Variants in TRAPPC9 observed in about 807,000 individuals in gnomAD.
TRAPPC9 encodes IKK2 binding protein.
In TRAPPC9, 83 loss-of-function variants were observed where a neutral mutation model predicts 124.0. That is an observed-to-expected ratio of 0.67 (90% confidence interval 0.56 to 0.80). TRAPPC9 has a LOEUF of 0.80. Among genes scored for constraint, TRAPPC9 ranks in the 30% least tolerant of loss-of-function variants. The pLI, the probability that TRAPPC9 is intolerant of heterozygous loss-of-function variation, is 0.00. For synonymous variants in TRAPPC9, 638 were observed against 617.5 expected, an observed-to-expected ratio of 1.03 and a Z score of -0.49; for missense variants, 1,302 against 1,508.3, an observed-to-expected ratio of 0.86 and a Z score of 2.27.
chr8:139,867,325 A>G (rs1828610921), intron 21 of TRAPPC9, among the ~76,000 whole-genome samples: 2 of 152,234 alleles, frequency 1.3e-5, no homozygotes, highest in African/African-American at 2.4e-5. Context: ...AATCAGGATA[A>G]TCTGGGTATC....
In TRAPPC9 at chr8:140,397,675, C is replaced by T. The variant is rs770502154; in HGVS notation, c.1079G>A (p.Arg360Gln). ...AAGAAATTCTGATGCTTCCATGCTC[C>T]GTTTCTGAATTGCAAGGACACGTAC... is the stretch of plus-strand genomic sequence containing the variant. ...KAVRVLAIQKRSMEASEFLQN... is the reference protein window; with the variant it reads ...KAVRVLAIQKQSMEASEFLQN... The change falls in exon 7 of 23, where the codon CGG (arginine) becomes CAG (glutamine). Residue 360 changes from arginine to glutamine, a missense_variant. Physicochemically the swap from Arg to Gln is conservative, Grantham distance 43. Transcript: ENST00000438773. The T allele has an allele frequency of 4.0e-5, 65 of 1,614,056 alleles. No individual in the cohort carries two copies. The highest frequency in any genetic ancestry group is 5.3e-5 in the African/African-American group (4 of 74,920).
intron 17 of TRAPPC9, among the ~76,000 whole-genome samples, chr8:140,186,521 G>C (rs1228068985): frequency 1.3e-5 from 2 of 152,036 alleles, no homozygotes; most frequent in Non-Finnish European, 2.9e-5. Context: ...GGGAGGCAGA[G>C]GTTGCCACTG....
At chr8:139,901,655 C>T (rs1831029483) in intron 20 of TRAPPC9, among the ~76,000 whole-genome samples, 1 of 152,218 alleles carries the variant, frequency 6.6e-6, no homozygotes. Flanking sequence ...GTGGTGAGAC[C>T]TAGGAATGCT....
intron 18 of TRAPPC9, chr8:140,008,353 T>TC (rs1354384489): frequency 2.7e-5 from 4 of 145,576 alleles, no homozygotes; most frequent in African/African-American, 1.0e-4. Context: ...TCTTCGGTCT[T>TC]CCTTGGGGAG....
chr8:140,041,398 C>G (rs749487128), intron 17 of TRAPPC9, among the ~76,000 whole-genome samples: 1 of 152,232 alleles, frequency 6.6e-6, no homozygotes, highest in Non-Finnish European at 1.5e-5. Context: ...TGCAAGTACT[C>G]CCTCCCAACA....
chr8:140,303,402 A>G (rs2066037399), intron 10 of TRAPPC9, among the ~76,000 whole-genome samples: 1 of 152,222 alleles, frequency 6.6e-6, no homozygotes, highest in African/African-American at 2.4e-5. Flanking sequence ...TGTGTTAATA[A>G]TCTACACGCT....
chr8:140,079,845 G>A lies in TRAPPC9; in HGVS notation c.2557-55766C>T, dbSNP rs56288725. Among the ~76,000 whole-genome samples, 630 of 152,208 alleles carry A rather than the reference G, an allele frequency of 4.1e-3. 3 individuals are homozygous for A. The highest frequency in any genetic ancestry group is 0.014 in the African/African-American group (593 of 41,516). ...CTCAGGAGGCTGAGCCAGGAGAATC[G>A]CTTGAACCTGGGAAGTGGAGGTTGC... On this transcript the variant is annotated intron_variant, in intron 17 of 22. Transcript: ENST00000438773.
chr8:140,049,910 C>T (rs1841874268), intron 17 of TRAPPC9, among the ~76,000 whole-genome samples: 2 of 152,234 alleles, frequency 1.3e-5, no homozygotes, highest in South Asian at 2.1e-4. Context: ...TCCACCACAA[C>T]TCAGTCCCCA....
At chr8:140,071,814 C>T (rs1414525882) in intron 17 of TRAPPC9, among the ~76,000 whole-genome samples, 1 of 152,150 alleles carries the variant, frequency 6.6e-6, no homozygotes, top group East Asian at 1.9e-4. Context: ...ACAAAAGTAG[C>T]TAAGAGATTT....
intron 17 of TRAPPC9, among the ~76,000 whole-genome samples, chr8:140,089,271 T>C (rs1444907551): frequency 6.6e-6 from 1 of 152,126 alleles, no homozygotes; most frequent in Non-Finnish European, 1.5e-5. Context: ...TCCTCTTCTA[T>C]CCGCACGAAT....
At chr8:140,373,424 A>G (rs2068340346) in intron 7 of TRAPPC9, among the ~76,000 whole-genome samples, 1 of 152,180 alleles carries the variant, frequency 6.6e-6, no homozygotes, top group South Asian at 2.1e-4. Flanking sequence ...CTCGGTTCCA[A>G]TGCCACCCTC....
intron 17 of TRAPPC9, among the ~76,000 whole-genome samples, chr8:140,079,010 A>C (rs1843663128): frequency 6.6e-6 from 1 of 152,162 alleles, no homozygotes; most frequent in Non-Finnish European, 1.5e-5. Flanking sequence ...GGAGGGACCC[A>C]GTGGGAGGTA....
intron 18 of TRAPPC9, among the ~76,000 whole-genome samples, chr8:140,015,388 G>A (rs995467019): frequency 1.3e-5 from 2 of 152,182 alleles, no homozygotes; most frequent in Admixed American, 1.3e-4. Context: ...CTTCACCTGT[G>A]AGCAAAATGA....
At position 139,772,929 on chromosome 8, in the gene TRAPPC9, G is replaced by A. The variant is rs372630367; in HGVS notation, c.3056-40727C>T. On this transcript the variant is annotated intron_variant, in intron 21 of 22. Coordinates refer to ENST00000438773, the MANE Select transcript of TRAPPC9 (RefSeq NM_001160372.4). ...GGCCTCAGAAGAAACCAATGCTGCC[G>A]ACATTTGCAAAGTGAATGCAAAGTG... 9.2e-5 allele frequency among the ~76,000 whole-genome samples: 14 copies of A among 152,368 alleles called. No individual in the cohort carries two copies. In the South Asian group the frequency reaches 1.2e-3, roughly 14 times the overall value.
At position 140,405,585 on chromosome 8, in the gene TRAPPC9, A is replaced by G. The variant is rs1332059884; in HGVS notation, c.1000T>C (p.Tyr334His). 6.2e-7 allele frequency: 1 copy of G among 1,614,060 alleles called. No homozygotes were observed. Among genetic ancestry groups the G allele is most frequent in the Non-Finnish European group, 8.5e-7 (1 of 1,180,022 alleles). ...IDKYKEAISY[Y>H]SKYKNAGVIE... ...CAAAGCCATAAAATCACCTTGCTGT[A>G]ATAGGAAATCGCCTCTTTATACTTG... Residue 334 changes from tyrosine (Y) to histidine (H), a missense_variant, in exon 6 of 23, where the codon TAC becomes CAC. Around this residue, in one of 3 missense-constraint regions of TRAPPC9, gnomAD observed 657 missense variants for 811.2 expected, o/e 0.81. Transcript: ENST00000438773.
chr8:139,847,469 C>T (rs1007720528), intron 21 of TRAPPC9, among the ~76,000 whole-genome samples: 1 of 152,208 alleles, frequency 6.6e-6, no homozygotes, highest in East Asian at 1.9e-4. Flanking sequence ...ATGAGGAAAC[C>T]CTGCAACAGT....
intron 9 of TRAPPC9, among the ~76,000 whole-genome samples, chr8:140,333,532 A>G (rs1265541488): frequency 5.9e-5 from 9 of 152,154 alleles, no homozygotes; most frequent in Non-Finnish European, 1.2e-4. Context: ...CTGGGATTAC[A>G]GGCACCCACC....
chr8:139,965,090 G>A (rs7840094), intron 19 of TRAPPC9, among the ~76,000 whole-genome samples: 3,642 of 143,756 alleles, frequency 0.025, 147 homozygotes, highest in African/African-American at 0.085. Flanking sequence ...GCCTGTCTTC[G>A]TCCCTCAGCA....
chr8:140,060,304 T>G (rs1398444383), intron 17 of TRAPPC9, among the ~76,000 whole-genome samples: 1 of 152,180 alleles, frequency 6.6e-6, no homozygotes, highest in East Asian at 1.9e-4. Context: ...GGCTCTGGGA[T>G]TCTTCAGTGC....
Sources: gnomAD v4.1 joint callset for allele counts (sites outside exome capture counted in the v4.1 genomes callset) on GRCh38, gnomAD v4.1.1 for gene constraint, gnomAD v4.1.1 regional missense constraint, MANE v1.5 for transcripts, NCBI Gene and HGNC (gene_info 2026-07-23, HGNC 2026-07-21) for gene names.